Variants in PSMD1 observed in about 807,000 individuals in gnomAD.
The protein encoded by PSMD1 is 26S proteasome non-ATPase regulatory subunit 1.
Under a neutral mutation model 119.0 loss-of-function variants are expected in PSMD1, and 18 were observed. That is an observed-to-expected ratio of 0.15 (90% CI 0.10 to 0.22). The LOEUF is 0.22. PSMD1 is among the 10% of genes least tolerant of loss of function. The probability of loss-of-function intolerance (pLI) is 1.00; values close to 1 mark genes in which losing one functional copy is unlikely to be tolerated. For synonymous variants in PSMD1, 374 were observed against 396.6 expected (o/e 0.94, Z 0.68); for missense variants, 702 against 1,158.5 (o/e 0.61, Z 5.72).
chr2:231,153,489 A>G (rs1696415364), intron 18 of PSMD1, 75 bp from the exon 19 acceptor site: 4 of 1,016,472 alleles, frequency 3.9e-6, no homozygotes, highest in Non-Finnish European at 4.6e-6. Flanking sequence ...TCATTGGAGC[A>G]ATATTATTCC....
chr2:231,101,641 T>C (rs982564411), intron 16 of PSMD1, among the ~76,000 whole-genome samples: 2 of 152,182 alleles, frequency 1.3e-5, no homozygotes, highest in African/African-American at 4.8e-5. Flanking sequence ...GAAAAGCTAA[T>C]GTGGCAGACT....
Position 231,056,870 on chromosome 2 carries a change from C to T in PSMD1, c.-156C>T. The T allele has an allele frequency of 1.9e-6, 2 of 1,050,460 alleles. No homozygotes were observed. The highest frequency in any genetic ancestry group is 1.4e-5 in the South Asian group (1 of 70,476). The allele number at this position is 1,050,460 out of a possible 1,614,324, so 65.1% of individuals were successfully genotyped here. ...GGGCAGCCCCTGGGCGGGCGGGGTC[C>T]TGGCGAGAAGCGAGCCGGCGGCCTG... is the stretch of plus-strand genomic sequence containing the variant. On this transcript the variant is annotated 5_prime_UTR_variant, in exon 1 of 25. Transcript: ENST00000308696.
At chr2:231,089,722 G>T (rs905533128) in intron 16 of PSMD1, among the ~76,000 whole-genome samples, 1 of 152,084 alleles carries the variant, frequency 6.6e-6, no homozygotes, top group African/African-American at 2.4e-5. Flanking sequence ...TGAAGAACTT[G>T]GAGTCCAATG....
intron 7 of PSMD1, among the ~76,000 whole-genome samples, chr2:231,073,870 A>T (rs1215512143): frequency 6.6e-6 from 1 of 152,004 alleles, no homozygotes; most frequent in African/African-American, 2.4e-5. Flanking sequence ...AAAATCATTT[A>T]TAGCTTTATA....
intron 3 of PSMD1, 57 bp from the exon 4 acceptor site, chr2:231,062,449 G>A: frequency 1.9e-6 from 3 of 1,552,230 alleles, no homozygotes; most frequent in East Asian, 2.3e-5. Context: ...TTTAGATTTG[G>A]GATTTTTAGG....
chr2:231,066,239 G>A (rs1263312241), intron 4 of PSMD1, among the ~76,000 whole-genome samples: 1 of 152,200 alleles, frequency 6.6e-6, no homozygotes, highest in Non-Finnish European at 1.5e-5. Context: ...AAAGTTTTTG[G>A]AAATCTTTGG....
chr2:231,123,491 A>C (rs758487048), intron 16 of PSMD1: 3 of 1,614,150 alleles, frequency 1.9e-6, no homozygotes, highest in Middle Eastern at 1.7e-4. Context: ...GACATTAGAA[A>C]GTAATTAGTA....
chr2:231,070,412 TC>T (rs1694015492), intron 6 of PSMD1, among the ~76,000 whole-genome samples: 1 of 152,140 alleles, frequency 6.6e-6, no homozygotes, highest in Non-Finnish European at 1.5e-5. Flanking sequence ...TATTCTTTTT[TC>T]ATTTTGAAAA....
chr2:231,080,141 G>T lies in PSMD1; in HGVS notation c.1240G>T (p.Gly414Cys). The T allele has an allele frequency of 1.2e-6, 2 of 1,602,246 alleles. No homozygotes were observed. The highest frequency in any genetic ancestry group is 1.7e-6 in the Non-Finnish European group (2 of 1,174,800). The change falls in exon 12 of 25, where the codon GGT becomes TGT. Residue 414 changes from glycine to cysteine, a missense_variant and splice_region_variant. This residue lies in a region of PSMD1 where 272 missense variants were observed against 511.6 expected (regional missense o/e 0.53). Transcript: ENST00000308696. The stretch of plus-strand genomic sequence containing the variant: ...TCTTTGTTATGACTTACCTTTACAG[G>T]GTCATGAAAAAGAAGCATTACAGTT... The part of the protein sequence containing the change: ...ATASLGVIHK[G>C]HEKEALQLMA...
At chr2:231,146,173 C>T in intron 17 of PSMD1, 67 bp from the exon 18 acceptor site, 1 of 1,056,528 alleles carries the variant, frequency 9.5e-7, no homozygotes. Flanking sequence ...TGGCATGTGA[C>T]TATAAATTGA....
intron 6 of PSMD1, 79 bp from the exon 7 acceptor site, chr2:231,072,110 A>T: frequency 8.3e-7 from 1 of 1,197,614 alleles, no homozygotes; most frequent in Non-Finnish European, 1.2e-6. Context: ...GGTTTTCTAT[A>T]ATGTTGATTT....
chr2:231,143,423 T>C (rs1304848304), intron 17 of PSMD1, among the ~76,000 whole-genome samples: 1 of 152,142 alleles, frequency 6.6e-6, no homozygotes, highest in Non-Finnish European at 1.5e-5. Flanking sequence ...AGAGACGGGG[T>C]TTCACCATGT....
Position 231,075,497 on chromosome 2 carries a change from T to C in PSMD1, c.882-14T>C, listed in dbSNP as rs1183139107. 1 of 1,611,894 alleles carries C rather than the reference T, an allele frequency of 6.2e-7. No individual in the cohort carries two copies. Among genetic ancestry groups the C allele is most frequent in the South Asian group, 1.1e-5 (1 of 90,570 alleles). On this transcript the variant is annotated splice_polypyrimidine_tract_variant and intron_variant, in intron 7 of 24. Coordinates refer to ENST00000308696, the MANE Select transcript of PSMD1 (RefSeq NM_002807.4). ...CTTCTCTTCAGAAAAAATTATTGGT[T>C]CTTTTCATTTCAGTGACTCGATGGA... is the stretch of plus-strand genomic sequence containing the variant.
chr2:231,110,199 A>G (rs1021023825), intron 16 of PSMD1, among the ~76,000 whole-genome samples: 1 of 151,920 alleles, frequency 6.6e-6, no homozygotes, highest in Non-Finnish European at 1.5e-5. Context: ...ACGCGCCTGT[A>G]CTCCCAGCTA....
At chr2:231,149,583 A>G (rs1226371545) in intron 18 of PSMD1, among the ~76,000 whole-genome samples, 1 of 152,268 alleles carries the variant, frequency 6.6e-6, no homozygotes, top group African/African-American at 2.4e-5. Context: ...TGGTGTTCCT[A>G]TTACCAGTAT....
At chr2:231,150,535 A>G (rs531949455) in intron 18 of PSMD1, among the ~76,000 whole-genome samples, 7 of 151,968 alleles carry the variant, frequency 4.6e-5, no homozygotes, top group African/African-American at 1.7e-4. Flanking sequence ...GTTTTTCAAG[A>G]CTCATTTGGA....
At chr2:231,066,595 CGTTGA>C (rs1693915002) in intron 4 of PSMD1, among the ~76,000 whole-genome samples, 1 of 152,054 alleles carries the variant, frequency 6.6e-6, no homozygotes, top group African/African-American at 2.4e-5. Context: ...CTCAGGCTGG[CGTTGA>C]ACTCCTGGGC....
intron 16 of PSMD1, among the ~76,000 whole-genome samples, chr2:231,101,978 G>A (rs916998379): frequency 6.6e-6 from 1 of 152,126 alleles, no homozygotes; most frequent in East Asian, 1.9e-4. Context: ...ACCATGCCTG[G>A]CTAATTTTGG....
intron 14 of PSMD1, among the ~76,000 whole-genome samples, 170 bp from the exon 15 acceptor site, chr2:231,084,849 G>T (rs936228834): frequency 6.6e-6 from 1 of 152,156 alleles, no homozygotes; most frequent in Non-Finnish European, 1.5e-5. Flanking sequence ...CTGTATTTAT[G>T]TGTTTTATTG....
Sources: allele counts gnomAD v4.1 joint callset (sites outside exome capture counted in the v4.1 genomes callset), GRCh38; gene constraint gnomAD v4.1.1; regional missense constraint gnomAD v4.1.1; transcripts MANE v1.5; gene names NCBI Gene and HGNC (gene_info 2026-07-23, HGNC 2026-07-21).